The following CACNA2D1 variants were observed in gnomAD, a reference collection of about 807,000 sequenced individuals.
CACNA2D1 encodes the protein voltage-dependent calcium channel subunit alpha-2/delta-1.
A neutral mutation model predicts 171.5 loss-of-function variants in CACNA2D1; 53 were observed. That is an observed-to-expected ratio of 0.31 (90% CI 0.25 to 0.39). CACNA2D1 has a LOEUF of 0.39. Ranked by LOEUF, CACNA2D1 falls within the 10% of genes least tolerant of loss-of-function variation. The pLI, the probability that CACNA2D1 is intolerant of heterozygous loss-of-function variation, is 1.00. For missense variants in CACNA2D1, 903 were observed against 1,299.8 expected (o/e 0.69, Z 4.69); for synonymous variants, 442 against 443.1 (o/e 1.00, Z 0.03).
rs1368347851 is a variant in CACNA2D1 at position 82,140,954 on chromosome 7, T to TTAAAAAAAAA, written c.355-4279_355-4278insTTTTTTTTTA. Among the ~76,000 whole-genome samples, 18 of 91,774 alleles carry TTAAAAAAAAA rather than the reference T, an allele frequency of 2.0e-4. 1 individual carries two copies. The highest frequency in any genetic ancestry group is 6.6e-4 in the African/African-American group (13 of 19,604). 60.2% of individuals were successfully genotyped at this position (91,774 alleles called of 152,430 possible). A position where few individuals can be genotyped will look rare whatever the true frequency, so the allele number is the denominator to read the frequency against. Reference sequence around the variant, plus strand: ...TAGGCGACAGAGCAAGACTCGTCTCTAAAAAAAAAAAAAAAGAAAAAAAAA... The same window carrying TTAAAAAAAAA: ...TAGGCGACAGAGCAAGACTCGTCTCTTAAAAAAAAAAAAAAAAAAAAAAAAGAAAAAAAAA... On this transcript the variant is annotated intron_variant, in intron 4 of 38. Transcript: ENST00000356860.
At chr7:82,302,694 G>A (rs2129426657) in intron 3 of CACNA2D1, among the ~76,000 whole-genome samples, 1 of 152,298 alleles carries the variant, frequency 6.6e-6, no homozygotes, top group East Asian at 1.9e-4. Flanking sequence ...TGGAAATACA[G>A]GCGTGAGCCA....
chr7:82,244,161 T>C (rs571632323), intron 3 of CACNA2D1, among the ~76,000 whole-genome samples: 2 of 152,300 alleles, frequency 1.3e-5, no homozygotes, highest in Admixed American at 1.3e-4. Flanking sequence ...AAACATTTCA[T>C]GGAAACAACA....
In CACNA2D1 at chr7:82,120,472, G is replaced by A. The variant is rs147874838; in HGVS notation, c.397-3299C>T. Among the ~76,000 whole-genome samples the A allele has an allele frequency of 1.7e-3, 252 of 152,274 alleles. 2 individuals are homozygous for A. The highest frequency in any genetic ancestry group is 5.5e-3 in the African/African-American group (230 of 41,556). On this transcript the variant is annotated intron_variant, in intron 5 of 38. Transcript: ENST00000356860. ...TTAAGGCATGGCATCACGGTCCAAT[G>A]TAAAGCATTATCAAAGATAGGATGT...
intron 23 of CACNA2D1, 90 bp from the exon 24 acceptor site, chr7:81,982,717 C>T: frequency 1.2e-6 from 1 of 849,720 alleles, no homozygotes; most frequent in South Asian, 1.3e-5. Context: ...GAAAGATTAC[C>T]TAATAAGAAA....
At chr7:82,082,593 G>A (rs907814861) in intron 7 of CACNA2D1, among the ~76,000 whole-genome samples, 3 of 151,644 alleles carry the variant, frequency 2.0e-5, no homozygotes, top group Non-Finnish European at 4.4e-5. Context: ...TCAATCAGAG[G>A]AAAGCACATC....
At chr7:81,958,919 CAAATATAACTAACAA>C (rs1793764978) in intron 38 of CACNA2D1, among the ~76,000 whole-genome samples, 1 of 151,430 alleles carries the variant, frequency 6.6e-6, no homozygotes, top group Non-Finnish European at 1.5e-5. Flanking sequence ...TCACTGAAGA[CAAATATAACTAACAA>C]AAATATAATA....
At chr7:82,387,477 A>G (rs1411611384) in intron 1 of CACNA2D1, among the ~76,000 whole-genome samples, 1 of 152,214 alleles carries the variant, frequency 6.6e-6, no homozygotes, top group Non-Finnish European at 1.5e-5. Context: ...CTGCTTTTGC[A>G]CTGCCAAATT....
At chr7:82,061,472 T>G (rs956600369) in intron 9 of CACNA2D1, among the ~76,000 whole-genome samples, 1 of 152,132 alleles carries the variant, frequency 6.6e-6, no homozygotes, top group Non-Finnish European at 1.5e-5. Flanking sequence ...AAACACATCC[T>G]GACCTAATAT....
In CACNA2D1 at chr7:82,011,911, C is replaced by T. The variant is rs118157233; in HGVS notation, c.1362+243G>A. ...TATTCAACATTCCAGGTTGGAAATT[C>T]TACATTCCCAATGAAGGGATCAAGT... On this transcript the variant is annotated intron_variant, in intron 15 of 38. Coordinates refer to ENST00000356860, the MANE Select transcript of CACNA2D1 (RefSeq NM_000722.4). 638 of 392,036 alleles carry T rather than the reference C, an allele frequency of 1.6e-3. 3 individuals carry two copies. The highest frequency in any genetic ancestry group is 2.7e-3 in the South Asian group (56 of 20,382). 24.3% of individuals were successfully genotyped at this position (392,036 alleles called of 1,614,324 possible).
chr7:82,349,607 T>C lies in CACNA2D1; in HGVS notation c.138A>G (p.Thr46=). ...TGACTCCACTTGCTGTTTTTGCCAGTGTGACAAGGTCTTCTTGCATCTTAT... is the reference window on the plus strand; with the variant it reads ...TGACTCCACTTGCTGTTTTTGCCAGCGTGACAAGGTCTTCTTGCATCTTAT... ...WVDKMQEDLV[T]LAKTASGVNQ... The change falls in exon 2 of 39, where the codon ACA becomes ACG. Residue 46 remains threonine, a synonymous_variant. Transcript: ENST00000356860. 6.2e-7 allele frequency: 1 copy of C among 1,614,050 alleles called. No homozygotes were observed. The highest frequency in any genetic ancestry group is 8.5e-7 in the Non-Finnish European group (1 of 1,179,902).
chr7:82,130,266 C>A (rs566970588), intron 5 of CACNA2D1, among the ~76,000 whole-genome samples: 52 of 152,178 alleles, frequency 3.4e-4, no homozygotes, highest in African/African-American at 1.1e-3. Flanking sequence ...TAATAATTCA[C>A]AAAGATTGGC....
chr7:82,002,042 A>AAG (rs1209791097), intron 18 of CACNA2D1, among the ~76,000 whole-genome samples: 117 of 140,888 alleles, frequency 8.3e-4, no homozygotes, highest in African/African-American at 2.2e-3. Context: ...AAAAAAAAAA[A>AAG]AGAGAGAGAG....
intron 1 of CACNA2D1, among the ~76,000 whole-genome samples, chr7:82,429,876 G>A (rs1022227201): frequency 6.6e-6 from 1 of 152,042 alleles, no homozygotes; most frequent in African/African-American, 2.4e-5. Context: ...TCAGGTGTTT[G>A]GACTGACAGC....
At chr7:82,063,557 ATT>A (rs556864762) in intron 9 of CACNA2D1, among the ~76,000 whole-genome samples, 3 of 141,622 alleles carry the variant, frequency 2.1e-5, no homozygotes, top group African/African-American at 5.2e-5. Context: ...TGAGACAAAG[ATT>A]TTTTTTTTTT....
chr7:82,185,290 T>C (rs1043569737), intron 3 of CACNA2D1, among the ~76,000 whole-genome samples: 1 of 151,440 alleles, frequency 6.6e-6, no homozygotes, highest in Admixed American at 6.6e-5. Flanking sequence ...ACTACCCCAC[T>C]GCATTCCACC....
At chr7:82,125,072 A>G (rs577795257) in intron 5 of CACNA2D1, among the ~76,000 whole-genome samples, 4 of 152,348 alleles carry the variant, frequency 2.6e-5, no homozygotes, top group African/African-American at 9.6e-5. Context: ...ATAGGAGATT[A>G]TGTTGGAATT....
chr7:82,282,178 G>T (rs1434924451), intron 3 of CACNA2D1, among the ~76,000 whole-genome samples: 4 of 152,096 alleles, frequency 2.6e-5, no homozygotes, highest in Non-Finnish European at 5.9e-5. Flanking sequence ...CCCGCCTGTA[G>T]TCCCAGCTAC....
chr7:82,352,041 A>C (rs1819907367), intron 1 of CACNA2D1, among the ~76,000 whole-genome samples: 1 of 152,178 alleles, frequency 6.6e-6, no homozygotes, highest in South Asian at 2.1e-4. Flanking sequence ...GACCCAAAAC[A>C]TGTATTCTAA....
chr7:82,361,048 T>C (rs1320781904), intron 1 of CACNA2D1, among the ~76,000 whole-genome samples: 2 of 152,236 alleles, frequency 1.3e-5, no homozygotes, highest in Non-Finnish European at 2.9e-5. Flanking sequence ...AACATCTTTC[T>C]AGCTCAGAAA....
Sources: allele counts gnomAD v4.1 joint callset (sites outside exome capture counted in the v4.1 genomes callset), GRCh38; gene constraint gnomAD v4.1.1; transcripts MANE v1.5; gene names NCBI Gene and HGNC (gene_info 2026-07-23, HGNC 2026-07-21).